Variants in EDN1 observed in about 807,000 individuals in gnomAD.
The protein encoded by EDN1 is endothelin-1.
EDN1 carries 11 observed loss-of-function variants against 21.7 expected under a neutral mutation model. That is an observed-to-expected ratio of 0.51 (90% confidence interval 0.32 to 0.84). The LOEUF is 0.84. Ranked by LOEUF, EDN1 falls within the 40% of genes least tolerant of loss-of-function variation. The pLI is 0.03. For synonymous variants in EDN1, 85 were observed against 90.6 expected (o/e 0.94, Z 0.35); for missense variants, 244 against 262.3 (o/e 0.93, Z 0.48).
At chr6:12,252,166 G>A in the EDN1 span, among the ~76,000 whole-genome samples, 1 of 152,114 alleles carries the variant, frequency 6.6e-6, no homozygotes, top group Admixed American at 6.5e-5. Flanking sequence ...GCTGGACTTG[G>A]ATTCAATTTG....
At chr6:12,234,365 A>G in the EDN1 span, among the ~76,000 whole-genome samples, 52,824 of 152,096 alleles carry the variant, frequency 0.35, 9,808 homozygotes, top group South Asian at 0.48. Flanking sequence ...GTTAACAATG[A>G]CATCCCCTTT....
At chr6:12,265,102 G>T in the EDN1 span, among the ~76,000 whole-genome samples, 2 of 152,228 alleles carry the variant, frequency 1.3e-5, no homozygotes, top group Admixed American at 6.5e-5. Context: ...GAGTATGGCT[G>T]CAGGCTCCAA....
At chr6:12,294,527 G>A in intron 4 of EDN1, 123 bp downstream of exon 4, 2 of 1,122,256 alleles carry the variant, frequency 1.8e-6, no homozygotes, top group Non-Finnish European at 2.7e-6. Flanking sequence ...TTAGAAAACA[G>A]TAGCAGAGGA....
the EDN1 span, among the ~76,000 whole-genome samples, chr6:12,285,297 G>A: frequency 6.6e-6 from 1 of 152,098 alleles, no homozygotes; most frequent in Non-Finnish European, 1.5e-5. Context: ...GCCAAGGGGA[G>A]GTATCCGTTA....
At chr6:12,286,563 G>A (rs1216554874), upstream of EDN1, among the ~76,000 whole-genome samples, 1 of 152,140 alleles carries the variant, frequency 6.6e-6, no homozygotes. Flanking sequence ...GCAACTTAAC[G>A]ACTGTTAGCT....
chr6:12,284,544 AGAAG>A, the EDN1 span, among the ~76,000 whole-genome samples: 6 of 149,054 alleles, frequency 4.0e-5, no homozygotes, highest in African/African-American at 9.9e-5. Flanking sequence ...AAGGAAGGAA[AGAAG>A]GAAGGAAGGA....
At chr6:12,246,594 T>C in the EDN1 span, among the ~76,000 whole-genome samples, 1 of 152,136 alleles carries the variant, frequency 6.6e-6, no homozygotes, top group Admixed American at 6.5e-5. Flanking sequence ...TAGAATTAAT[T>C]GTTCTGCCAC....
chr6:12,288,331 G>A (rs1762599300), upstream of EDN1, among the ~76,000 whole-genome samples: 1 of 152,266 alleles, frequency 6.6e-6, no homozygotes, highest in East Asian at 1.9e-4. Flanking sequence ...GCGCTGCTTG[G>A]AACCTGTGAA....
At chr6:12,275,843 C>T in the EDN1 span, among the ~76,000 whole-genome samples, 1 of 150,984 alleles carries the variant, frequency 6.6e-6, no homozygotes, top group South Asian at 2.1e-4. Context: ...GCATGCATGC[C>T]CATTTGTATT....
the EDN1 span, among the ~76,000 whole-genome samples, chr6:12,263,165 T>C: frequency 3.3e-5 from 5 of 152,224 alleles, no homozygotes; most frequent in Non-Finnish European, 7.3e-5. Context: ...AAAGAAAATG[T>C]ATTGAATATT....
chr6:12,242,148 T>C, the EDN1 span, among the ~76,000 whole-genome samples: 1 of 152,234 alleles, frequency 6.6e-6, no homozygotes, highest in Non-Finnish European at 1.5e-5. Flanking sequence ...GGGAATTCCT[T>C]GACCATCGAT....
chr6:12,265,037 T>C, the EDN1 span, among the ~76,000 whole-genome samples: 4 of 152,180 alleles, frequency 2.6e-5, no homozygotes, highest in Non-Finnish European at 5.9e-5. Context: ...GTCTACACCA[T>C]TTAGCCTGAT....
chr6:12,279,178 A>G, the EDN1 span, among the ~76,000 whole-genome samples: 1 of 152,112 alleles, frequency 6.6e-6, no homozygotes, highest in South Asian at 2.1e-4. Flanking sequence ...CTCTTCCACT[A>G]CCTTAAAGAT....
At chr6:12,278,710 A>G in the EDN1 span, among the ~76,000 whole-genome samples, 1 of 152,142 alleles carries the variant, frequency 6.6e-6, no homozygotes, top group African/African-American at 2.4e-5. Context: ...CAGCCTGGTC[A>G]ACATGGTGAA....
At chr6:12,289,316 C>A (rs893269564), upstream of EDN1, among the ~76,000 whole-genome samples, 19 of 151,650 alleles carry the variant, frequency 1.3e-4, no homozygotes, top group Admixed American at 5.2e-4. Context: ...GACACCCCCC[C>A]AAAAAAAAGA....
the EDN1 span, among the ~76,000 whole-genome samples, chr6:12,240,950 G>A: frequency 6.6e-6 from 1 of 152,094 alleles, no homozygotes; most frequent in Non-Finnish European, 1.5e-5. Flanking sequence ...GGAACATCAA[G>A]GTAGAAAGCA....
the EDN1 span, among the ~76,000 whole-genome samples, chr6:12,248,661 A>G: frequency 6.6e-6 from 1 of 152,196 alleles, no homozygotes; most frequent in African/African-American, 2.4e-5. Flanking sequence ...ACATTACACT[A>G]AGCTTCAGGA....
the EDN1 span, among the ~76,000 whole-genome samples, chr6:12,231,004 C>A: frequency 1.3e-5 from 2 of 152,178 alleles, no homozygotes; most frequent in Non-Finnish European, 2.9e-5. Context: ...GCATCTCCAG[C>A]AATCTGTCTG....
chr6:12,264,084 T>G, the EDN1 span, among the ~76,000 whole-genome samples: 1 of 152,234 alleles, frequency 6.6e-6, no homozygotes, highest in Non-Finnish European at 1.5e-5. Flanking sequence ...TAATTCCTAA[T>G]ATAAAATTAA....
Sources: gnomAD v4.1 joint callset for allele counts (sites outside exome capture counted in the v4.1 genomes callset) on GRCh38, gnomAD v4.1.1 for gene constraint, MANE v1.5 for transcripts, NCBI Gene and HGNC (gene_info 2026-07-23, HGNC 2026-07-21) for gene names.